The following DNAH14 variants were observed in gnomAD, a reference collection of about 807,000 sequenced individuals.
DNAH14 encodes axonemal beta dynein heavy chain 14.
In DNAH14, 478 loss-of-function variants were observed where a neutral mutation model predicts 520.9. The ratio of observed to expected loss-of-function variants is 0.92; its 90% CI spans 0.85 to 0.99. The LOEUF (loss-of-function observed/expected upper bound fraction) is 0.99, where lower values mean the gene tolerates loss of function less well. DNAH14 is among the 50% of genes least tolerant of loss of function. The pLI, the probability that DNAH14 is intolerant of heterozygous loss-of-function variation, is 0.00. For synonymous variants in DNAH14, 1,581 were observed against 1,757.2 expected (o/e 0.90, Z 2.51); for missense variants, 4,831 against 5,234.5 (o/e 0.92, Z 2.38).
At chr1:224,946,100 A>G (rs2059807069) in intron 1 of DNAH14, among the ~76,000 whole-genome samples, 1 of 152,180 alleles carries the variant, frequency 6.6e-6, no homozygotes, top group Non-Finnish European at 1.5e-5. Flanking sequence ...GAGTCTACAG[A>G]GGCAGGCAGG....
In DNAH14 at chr1:225,346,054, A is replaced by G. The variant is rs1037298176; in HGVS notation, c.10771A>G (p.Lys3591Glu). The change falls in exon 70 of 86, where the codon AAA becomes GAA. Residue 3591 changes from lysine (K) to glutamate (E), a missense_variant. Lys to Glu is a moderately conservative substitution (Grantham distance 56). Coordinates refer to ENST00000682510, the MANE Select transcript of DNAH14 (RefSeq NM_001367479.1). ...TTCAAAGCGCATCGAAGCAACAAAA[A>G]AAGCTGAAAGTGAAATCCAAGCAAT... ...EISKRIEATK[K>E]AESEIQAIRK... The G allele has an allele frequency of 5.8e-6, 9 of 1,551,610 alleles. No individual in the cohort carries two copies. Among genetic ancestry groups the G allele is most frequent in the South Asian group, 2.4e-5 (2 of 84,064 alleles).
At chr1:225,374,026 C>T (rs2095653913) in intron 77 of DNAH14, among the ~76,000 whole-genome samples, 1 of 148,596 alleles carries the variant, frequency 6.7e-6, no homozygotes, top group South Asian at 2.1e-4. Flanking sequence ...GGAGAATCGC[C>T]TTAGCTGGAG....
rs550791887 is a variant in DNAH14, at chr1:225,102,395, G to A, written c.3867+1511G>A. Among the ~76,000 whole-genome samples the A allele has an allele frequency of 1.1e-3, 174 of 152,056 alleles. 1 individual carries two copies. Among genetic ancestry groups the A allele is most frequent in the African/African-American group, 1.7e-3 (72 of 41,500 alleles). On this transcript the variant is annotated intron_variant, in intron 23 of 85. Coordinates refer to ENST00000682510, the MANE Select transcript of DNAH14 (RefSeq NM_001367479.1). ...TCGCAGCATGATTTATAATCCTTTG[G>A]GTATATACCCAGTAATGGGATGGCT...
chr1:225,346,113 C>A lies in DNAH14; in HGVS notation c.10830C>A (p.Gly3610=), dbSNP rs774347696. 2.6e-6 allele frequency: 4 copies of A among 1,551,716 alleles called. No homozygotes were observed. Among genetic ancestry groups the A allele is most frequent in the Non-Finnish European group, 3.5e-6 (4 of 1,146,988 alleles). The change falls in exon 70 of 86, where the codon GGC becomes GGA. Residue 3610 remains glycine (G), a synonymous_variant. Transcript: ENST00000682510. ...RKNYLPIATR[G]ALLYFLVADL... is the part of the protein sequence containing the mutation. ...ACTATCTCCCCATTGCGACCCGAGGCGCCCTGCTCTACTTCCTAGTAGCTG... is the reference window on the plus strand; with the variant it reads ...ACTATCTCCCCATTGCGACCCGAGGAGCCCTGCTCTACTTCCTAGTAGCTG...
chr1:224,966,629 A>G (rs907579588), intron 5 of DNAH14, among the ~76,000 whole-genome samples: 3 of 152,138 alleles, frequency 2.0e-5, no homozygotes, highest in Non-Finnish European at 4.4e-5. Flanking sequence ...TCACATCCCT[A>G]CGTCACCATT....
chr1:224,953,053 C>A (rs1397122588), intron 2 of DNAH14: 1 of 233,722 alleles, frequency 4.3e-6, no homozygotes, highest in East Asian at 9.9e-5. Context: ...TAACCAACAA[C>A]TGAGAAATCC....
chr1:225,219,198 C>T (rs2089775647), intron 41 of DNAH14, among the ~76,000 whole-genome samples: 1 of 152,038 alleles, frequency 6.6e-6, no homozygotes, highest in African/African-American at 2.4e-5. Context: ...TCACTAAATG[C>T]CCACGTCAGA....
Position 225,399,276 on chromosome 1 carries a change from A to G in DNAH14, c.*7A>G, listed in dbSNP as rs77901289. The G allele has an allele frequency of 5.8e-4, 902 of 1,542,988 alleles. 19 individuals are homozygous for G. In the East Asian group the frequency reaches 0.021, roughly 36 times the overall value. ...TGAGAAGAATGAAAAATAAATGTCC[A>G]TATCAAACCATTTTAATTTTTGACT... On this transcript the variant is annotated 3_prime_UTR_variant, in exon 86 of 86. Coordinates refer to ENST00000682510, the MANE Select transcript of DNAH14 (RefSeq NM_001367479.1).
intron 10 of DNAH14, among the ~76,000 whole-genome samples, chr1:225,021,784 A>C (rs988471142): frequency 2.0e-5 from 3 of 152,178 alleles, no homozygotes; most frequent in Non-Finnish European, 4.4e-5. Flanking sequence ...AAAAAAAACT[A>C]TTCTAAAATT....
chr1:225,032,544 G>A (rs2066608865), intron 11 of DNAH14, among the ~76,000 whole-genome samples: 1 of 152,024 alleles, frequency 6.6e-6, no homozygotes, highest in Non-Finnish European at 1.5e-5. Flanking sequence ...GTGAACATTG[G>A]TGTTCATGTG....
At chr1:225,396,507 C>G (rs2096012893) in intron 84 of DNAH14, 1 of 152,132 alleles carries the variant, frequency 6.6e-6, no homozygotes, top group African/African-American at 2.4e-5. Flanking sequence ...GACTCTACAC[C>G]CATAGCCTAA....
chr1:225,252,162 A>G, intron 43 of DNAH14, 139 bp from the exon 44 acceptor site: 1 of 633,268 alleles, frequency 1.6e-6, no homozygotes, highest in Non-Finnish European at 2.8e-6. Context: ...AAACAGGCCT[A>G]TACACTTGGA....
chr1:225,032,962 A>G (rs2066650102), intron 11 of DNAH14, among the ~76,000 whole-genome samples: 1 of 151,694 alleles, frequency 6.6e-6, no homozygotes, highest in Admixed American at 6.6e-5. Flanking sequence ...AGTTCCTTAT[A>G]TATGCTGGAT....
intron 38 of DNAH14, among the ~76,000 whole-genome samples, chr1:225,203,741 C>A (rs2087167687): frequency 6.6e-6 from 1 of 152,256 alleles, no homozygotes; most frequent in East Asian, 1.9e-4. Context: ...CAATTAGAAT[C>A]TCCAAGGATG....
chr1:225,140,743 A>G (rs914157473), intron 27 of DNAH14, 25 bp from the exon 28 acceptor site: 37 of 1,414,830 alleles, frequency 2.6e-5, no homozygotes, highest in African/African-American at 4.3e-5. Context: ...AGAGATATAT[A>G]TATAACATTA....
intron 80 of DNAH14, 85 bp downstream of exon 80, chr1:225,380,407 C>A (rs1031439070): frequency 7.2e-7 from 1 of 1,391,914 alleles, no homozygotes. Context: ...AAAGATAAGA[C>A]AAAAATTCTG....
intron 28 of DNAH14, among the ~76,000 whole-genome samples, chr1:225,142,962 A>T (rs894126626): frequency 5.9e-5 from 9 of 152,152 alleles, no homozygotes; most frequent in African/African-American, 2.2e-4. Context: ...AAAAAAATTA[A>T]TGAAATAAAT....
chr1:225,178,387 C>T (rs1178700102), intron 36 of DNAH14, among the ~76,000 whole-genome samples: 1 of 152,164 alleles, frequency 6.6e-6, no homozygotes, highest in Non-Finnish European at 1.5e-5. Context: ...GCAGAAACCT[C>T]TGATAAACCC....
At chr1:224,951,644 A>ATTTTTTTTTTTTTTTT (rs67437504) in intron 1 of DNAH14, among the ~76,000 whole-genome samples, 1 of 80,154 alleles carries the variant, frequency 1.2e-5, no homozygotes, top group Non-Finnish European at 2.4e-5. Context: ...AGATTTCTGG[A>ATTTTTTTTTTTTTTTT]TTTTTTTTTT....
Sources: gnomAD v4.1 joint callset for allele counts (sites outside exome capture counted in the v4.1 genomes callset) on GRCh38, gnomAD v4.1.1 for gene constraint, MANE v1.5 for transcripts, NCBI Gene and HGNC (gene_info 2026-07-23, HGNC 2026-07-21) for gene names.